The following TNPO1 variants were observed in gnomAD, a reference collection of about 807,000 sequenced individuals.
TNPO1 encodes the protein transportin 1.
TNPO1 carries 8 observed loss-of-function variants against 119.5 expected under a neutral mutation model. The observed-to-expected ratio is 0.07, with a 90% CI of 0.04 to 0.12. TNPO1 has a LOEUF of 0.12. Among genes scored for constraint, TNPO1 ranks in the 10% least tolerant of loss-of-function variants. The pLI, the probability that TNPO1 is intolerant of heterozygous loss-of-function variation, is 1.00. For synonymous variants in TNPO1, 362 were observed against 363.0 expected, an observed-to-expected ratio of 1.00 and a Z score of 0.03; for missense variants, 576 against 1,089.8, an observed-to-expected ratio of 0.53 and a Z score of 6.64.
chr5:72,863,127 CAGTA>C (rs1746607224), intron 5 of TNPO1, among the ~76,000 whole-genome samples: 1 of 151,574 alleles, frequency 6.6e-6, no homozygotes, highest in Non-Finnish European at 1.5e-5. Flanking sequence ...TTAGTGGATA[CAGTA>C]AGTATCTCTT....
rs1750681666 is a variant in TNPO1, at chr5:72,913,293, T to C, written c.*4620T>C. The C allele has an allele frequency of 6.6e-6, 1 of 152,524 alleles. No homozygotes were observed. Among genetic ancestry groups the C allele is most frequent in the Non-Finnish European group, 1.5e-5 (1 of 67,936 alleles). The allele number at this position is 152,524 out of a possible 1,614,324, so 9.4% of individuals were successfully genotyped here. On this transcript the variant is annotated 3_prime_UTR_variant, in exon 25 of 25. Transcript: ENST00000337273. ...GCTTTCCAAGTGAATTGTGACTAAT[T>C]TTTTCAATCTTACATAGATCTTTCA...
chr5:72,870,981 T>C (rs1486226986), intron 6 of TNPO1, among the ~76,000 whole-genome samples: 1 of 152,172 alleles, frequency 6.6e-6, no homozygotes, highest in Non-Finnish European at 1.5e-5. Flanking sequence ...CAGAGTTGGT[T>C]TTTTTTGAGA....
rs534008301 is a variant in TNPO1, at chr5:72,873,380, AGACT to A, written c.678+662_678+665del. 4.2e-3 allele frequency among the ~76,000 whole-genome samples: 640 copies of A among 152,270 alleles called. 4 individuals carry two copies. The highest frequency in any genetic ancestry group is 0.015 in the African/African-American group (618 of 41,572). ...GAATTTTAAAAGTCCCTTAGAAGTC[AGACT>A]GCTGATACTACTGTTGGGAAATTAT... is the stretch of plus-strand genomic sequence containing the variant. On this transcript the variant is annotated intron_variant, in intron 7 of 24. Coordinates refer to ENST00000337273, the MANE Select transcript of TNPO1 (RefSeq NM_002270.4).
intron 3 of TNPO1, among the ~76,000 whole-genome samples, chr5:72,854,292 T>G (rs1008792410): frequency 2.6e-5 from 4 of 152,222 alleles, no homozygotes; most frequent in Non-Finnish European, 5.9e-5. Flanking sequence ...AGTTTTTAAA[T>G]GATGACATAC....
At position 72,851,247 on chromosome 5, in the gene TNPO1, C is replaced by T; in HGVS notation, c.133C>T (p.Leu45=). 2 of 1,588,940 alleles carry T rather than the reference C, an allele frequency of 1.3e-6. No individual in the cohort carries two copies. The highest frequency in any genetic ancestry group is 1.7e-6 in the Non-Finnish European group (2 of 1,163,048). Residue 45 remains leucine, a synonymous_variant, in exon 3 of 25, where the codon CTG becomes TTG. Transcript: ENST00000337273. ...CCTTAACTACTGTTTGTTCTAGAAA[C>T]TGGAACAACTTAATCAGTATCCAGA... ...TTIQRTVQQK[L]EQLNQYPDFN...
At chr5:72,904,963 A>G (rs1750040865) in intron 23 of TNPO1, among the ~76,000 whole-genome samples, 1 of 152,246 alleles carries the variant, frequency 6.6e-6, no homozygotes, top group Non-Finnish European at 1.5e-5. Context: ...GAATCAAGTG[A>G]AACGGGTTTC....
intron 6 of TNPO1, 42 bp downstream of exon 6, chr5:72,865,771 ACCTGACCATT>A: frequency 6.4e-7 from 1 of 1,559,392 alleles, no homozygotes; most frequent in Non-Finnish European, 8.7e-7. Flanking sequence ...TGTGATATAA[ACCTGACCATT>A]ATCTTAGTTT....
At chr5:72,862,172 A>G (rs568018129) in intron 5 of TNPO1, among the ~76,000 whole-genome samples, 3 of 152,374 alleles carry the variant, frequency 2.0e-5, no homozygotes, top group South Asian at 2.1e-4. Context: ...TCTTGGATGT[A>G]TATGTATGTA....
intron 4 of TNPO1, 44 bp downstream of exon 4, chr5:72,855,967 G>C (rs767952997): frequency 6.3e-7 from 1 of 1,593,384 alleles, no homozygotes; most frequent in African/African-American, 1.3e-5. Context: ...TTTGTAACTG[G>C]GTCATTTTTA....
chr5:72,824,045 C>A (rs1561290427), intron 1 of TNPO1, among the ~76,000 whole-genome samples: 1 of 152,166 alleles, frequency 6.6e-6, no homozygotes. Flanking sequence ...ATACCTCTGG[C>A]ACTCTATTTA....
intron 1 of TNPO1, among the ~76,000 whole-genome samples, chr5:72,846,276 ATGGT>A (rs1745124111): frequency 1.3e-5 from 2 of 152,164 alleles, no homozygotes; most frequent in African/African-American, 4.8e-5. Flanking sequence ...CAATCAGGAG[ATGGT>A]TGAACAAATT....
chr5:72,835,238 C>T (rs1442402212), intron 1 of TNPO1, among the ~76,000 whole-genome samples: 1 of 152,204 alleles, frequency 6.6e-6, no homozygotes, highest in African/African-American at 2.4e-5. Context: ...GCTTTAATGT[C>T]CACCACTTGG....
At chr5:72,907,322 A>G (rs1180063463) in intron 24 of TNPO1, among the ~76,000 whole-genome samples, 4 of 152,220 alleles carry the variant, frequency 2.6e-5, no homozygotes, top group South Asian at 2.1e-4. Flanking sequence ...CTCATCACCA[A>G]TCATGAATTA....
chr5:72,909,611 CAT>C lies in TNPO1; in HGVS notation c.*940_*941del, dbSNP rs1240157396. On this transcript the variant is annotated 3_prime_UTR_variant, in exon 25 of 25. Transcript: ENST00000337273. ...GTGGGAAAGTAGCATGCTTGCATCA[CAT>C]AGAGTGAGATTGGTATTCATTTACC... is the stretch of plus-strand genomic sequence containing the variant. 1.3e-5 allele frequency: 2 copies of C among 152,594 alleles called. No individual in the cohort carries two copies. The highest frequency in any genetic ancestry group is 1.9e-4 in the East Asian group (1 of 5,186). 9.5% of individuals were successfully genotyped at this position (152,594 alleles called of 1,614,324 possible).
In TNPO1 at chr5:72,908,778, A is replaced by T. The variant is rs980778565; in HGVS notation, c.*105A>T. 2 of 274,024 alleles carry T rather than the reference A, an allele frequency of 7.3e-6. No homozygotes were observed. Among genetic ancestry groups the T allele is most frequent in the African/African-American group, 2.3e-5 (1 of 44,030 alleles). The allele number at this position is 274,024 out of a possible 1,614,324, so 17.0% of individuals were successfully genotyped here. On this transcript the variant is annotated 3_prime_UTR_variant, in exon 25 of 25. Coordinates refer to ENST00000337273, the MANE Select transcript of TNPO1 (RefSeq NM_002270.4). ...AAAATGTTACCCTTTACAGGGGGGA[A>T]GGGTAAACCAGTAGGGAATACAGTA...
At chr5:72,835,116 C>A (rs1744644615) in intron 1 of TNPO1, among the ~76,000 whole-genome samples, 1 of 152,184 alleles carries the variant, frequency 6.6e-6, no homozygotes, top group African/African-American at 2.4e-5. Context: ...GATGTTACAA[C>A]AACAAGGAAA....
intron 9 of TNPO1, among the ~76,000 whole-genome samples, chr5:72,881,673 T>C (rs560172903): frequency 6.6e-6 from 1 of 152,352 alleles, no homozygotes; most frequent in South Asian, 2.1e-4. Flanking sequence ...TGATATTCTC[T>C]TAATTCACTT....
chr5:72,872,728 T>A lies in TNPO1; in HGVS notation c.678+8T>A, dbSNP rs1212319825. The A allele has an allele frequency of 1.3e-6, 2 of 1,585,976 alleles. No homozygotes were observed. The highest frequency in any genetic ancestry group is 1.4e-5 in the African/African-American group (1 of 73,944). On this transcript the variant is annotated splice_region_variant and intron_variant, in intron 7 of 24. Coordinates refer to ENST00000337273, the MANE Select transcript of TNPO1 (RefSeq NM_002270.4). Reference sequence around the variant, plus strand: ...ATTGATTCTTTTATTGAGGTAAGACTTGTTCTTGTCTCCCTCCCAACCCCC... The same window carrying A: ...ATTGATTCTTTTATTGAGGTAAGACATGTTCTTGTCTCCCTCCCAACCCCC...
In TNPO1 at chr5:72,873,977, A is replaced by G. The variant is rs554500732; in HGVS notation, c.678+1257A>G. On this transcript the variant is annotated intron_variant, in intron 7 of 24. Transcript: ENST00000337273. ...GTATTACTCTTTCACAGTTTAATAA[A>G]GGGGACAATGATAGACATACCAGCA... is the stretch of plus-strand genomic sequence containing the variant. Among the ~76,000 whole-genome samples, 9 of 152,244 alleles carry G rather than the reference A, an allele frequency of 5.9e-5. No individual in the cohort carries two copies. In the South Asian group the frequency reaches 1.5e-3, roughly 25 times the overall value.
Sources: gnomAD v4.1 joint callset for allele counts (sites outside exome capture counted in the v4.1 genomes callset) on GRCh38, gnomAD v4.1.1 for gene constraint, MANE v1.5 for transcripts, NCBI Gene and HGNC (gene_info 2026-07-23, HGNC 2026-07-21) for gene names.